Variants in CDKN2C observed in about 807,000 individuals in gnomAD.
CDKN2C encodes cyclin-dependent kinase 4 inhibitor C.
In CDKN2C, 5 loss-of-function variants were observed where a neutral mutation model predicts 11.0. The observed-to-expected ratio is 0.45, with a 90% CI of 0.24 to 0.95. The LOEUF (loss-of-function observed/expected upper bound fraction) is 0.95. Ranked by LOEUF, CDKN2C falls within the 40% of genes least tolerant of loss-of-function variation. CDKN2C has a pLI of 0.21. For synonymous variants in CDKN2C, 79 were observed against 88.3 expected, an observed-to-expected ratio of 0.89 and a Z score of 0.59; for missense variants, 161 against 211.9, an observed-to-expected ratio of 0.76 and a Z score of 1.49.
intron 1 of CDKN2C, 42 bp from the exon 2 acceptor site, chr1:50,973,851 A>G (rs1483958226): frequency 1.9e-6 from 3 of 1,606,186 alleles, no homozygotes; most frequent in East Asian, 2.2e-5. Flanking sequence ...TCTCTGTAGC[A>G]TATGCACTTG....
intron 1 of CDKN2C, among the ~76,000 whole-genome samples, chr1:50,972,804 T>C (rs1203704462): frequency 1.3e-5 from 2 of 152,168 alleles, no homozygotes; most frequent in East Asian, 3.8e-4. Flanking sequence ...ATTCTGACTT[T>C]TAAAATGTTG....
At chr1:50,968,793 G>A (rs912473979), upstream of CDKN2C, 2 of 152,204 alleles carry the variant, frequency 1.3e-5, no homozygotes, top group African/African-American at 2.4e-5. Context: ...AGCTGATGAG[G>A]TCGGAAAAAA....
At chr1:50,970,815 A>T (rs1192856328) in intron 1 of CDKN2C, among the ~76,000 whole-genome samples, 1 of 152,078 alleles carries the variant, frequency 6.6e-6, no homozygotes, top group Non-Finnish European at 1.5e-5. Flanking sequence ...TTTTGTTTTT[A>T]AAGACAGCTC....
upstream of CDKN2C, among the ~76,000 whole-genome samples, chr1:50,966,599 A>C (rs1314518452): frequency 6.6e-6 from 1 of 152,176 alleles, no homozygotes; most frequent in Non-Finnish European, 1.5e-5. Flanking sequence ...CTCAATAAAT[A>C]CTAGATTTTC....
At chr1:50,966,118 C>T (rs868181839), upstream of CDKN2C, among the ~76,000 whole-genome samples, 6 of 150,558 alleles carry the variant, frequency 4.0e-5, no homozygotes, top group Non-Finnish European at 7.4e-5. Context: ...ACTGCTGGGC[C>T]GCCACTGCCT....
chr1:50,965,970 TA>T (rs1411231626), upstream of CDKN2C, among the ~76,000 whole-genome samples: 2 of 152,064 alleles, frequency 1.3e-5, no homozygotes. Context: ...AAACTGTACC[TA>T]CTTGAGTCAA....
upstream of CDKN2C, chr1:50,970,069 G>T (rs1645371302): frequency 1.0e-5 from 5 of 485,104 alleles, no homozygotes; most frequent in South Asian, 4.3e-5. Flanking sequence ...AGGAATGTAT[G>T]TGTGTCTGTG....
chr1:50,962,455 C>T (rs1267289220), intron 1 of CDKN2C, among the ~76,000 whole-genome samples: 1 of 152,226 alleles, frequency 6.6e-6, no homozygotes, highest in African/African-American at 2.4e-5. Context: ...AATCATGAGG[C>T]AAAACACAGC....
upstream of CDKN2C, among the ~76,000 whole-genome samples, chr1:50,965,251 G>A (rs548840318): frequency 4.6e-5 from 7 of 152,070 alleles, no homozygotes; most frequent in South Asian, 1.5e-3. Context: ...TGTAATCCTA[G>A]CACTGTGGGA....
chr1:50,961,070 C>G (rs868349645), intron 1 of CDKN2C, among the ~76,000 whole-genome samples: 8 of 151,856 alleles, frequency 5.3e-5, no homozygotes, highest in Non-Finnish European at 8.8e-5. Context: ...GAGTCTCGCA[C>G]TGTGGCCCGG....
At chr1:50,966,251 C>A (rs997607198), upstream of CDKN2C, among the ~76,000 whole-genome samples, 6 of 152,024 alleles carry the variant, frequency 3.9e-5, no homozygotes, top group Admixed American at 3.3e-4. Flanking sequence ...CCATGTTGGC[C>A]AGGCTGGTCT....
chr1:50,974,388 C>A lies in CDKN2C; in HGVS notation c.*118C>A. On this transcript the variant is annotated 3_prime_UTR_variant, in exon 2 of 2. Coordinates refer to ENST00000371761, the MANE Select transcript of CDKN2C (RefSeq NM_078626.3). ...GTCATATGTTAAGCAGCTAAATTTT[C>A]TGAAACTGCATAAGTGAAAATCTTA... 1 of 1,025,128 alleles carries A rather than the reference C, an allele frequency of 9.8e-7. No individual in the cohort carries two copies. The highest frequency in any genetic ancestry group is 1.4e-6 in the Non-Finnish European group (1 of 739,406). 63.5% of individuals were successfully genotyped at this position (1,025,128 alleles called of 1,614,324 possible).
chr1:50,960,756 A>C (rs1339427729), exon 1 of CDKN2C: 1 of 152,266 alleles, frequency 6.6e-6, no homozygotes, highest in African/African-American at 2.4e-5. Context: ...ACACAGAAGT[A>C]ACCAGACTGC....
At position 50,974,083 on chromosome 1, in the gene CDKN2C, T is replaced by A; in HGVS notation, c.320T>A (p.Leu107Ter). 1 of 1,614,200 alleles carries A rather than the reference T, an allele frequency of 6.2e-7. No individual in the cohort carries two copies. The highest frequency in any genetic ancestry group is 8.5e-7 in the Non-Finnish European group (1 of 1,180,024). The change falls in exon 2 of 2, where the codon TTG becomes TAG. Residue 107 changes from leucine to a stop codon, truncating the protein, a stop_gained. Coordinates refer to ENST00000371761, the MANE Select transcript of CDKN2C (RefSeq NM_078626.3). LOFTEE classifies it high-confidence loss of function. Reference sequence around the variant, plus strand: ...GAGGATAATGAAGGGAACCTGCCCTTGCACTTGGCTGCCAAAGAAGGCCAC... The same window carrying A: ...GAGGATAATGAAGGGAACCTGCCCTAGCACTTGGCTGCCAAAGAAGGCCAC... ...NIEDNEGNLP[L>*]HLAAKEGHLR...
chr1:50,961,037 T>G (rs1439020053), intron 1 of CDKN2C, among the ~76,000 whole-genome samples: 1 of 151,820 alleles, frequency 6.6e-6, no homozygotes, highest in Non-Finnish European at 1.5e-5. Flanking sequence ...TTTATTTATT[T>G]ATTTATTTAT....
At chr1:50,973,640 T>C (rs778135762) in intron 1 of CDKN2C, among the ~76,000 whole-genome samples, 10 of 152,220 alleles carry the variant, frequency 6.6e-5, no homozygotes, top group Non-Finnish European at 1.3e-4. Flanking sequence ...TTCTATCTTA[T>C]TGATCAATTT....
rs1645394298 is a variant in CDKN2C at position 50,974,126 on chromosome 1, C to T, written c.363C>T (p.Phe121=). 1 of 1,614,036 alleles carries T rather than the reference C, an allele frequency of 6.2e-7. No homozygotes were observed. The highest frequency in any genetic ancestry group is 2.2e-5 in the East Asian group (1 of 44,898). Residue 121 remains phenylalanine (F), a synonymous_variant, in exon 2 of 2, where the codon TTC becomes TTT. Coordinates refer to ENST00000371761, the MANE Select transcript of CDKN2C (RefSeq NM_078626.3). ...AAGGCCACCTCCGGGTGGTGGAGTTCCTGGTGAAGCACACGGCCAGCAATG... is the reference window on the plus strand; with the variant it reads ...AAGGCCACCTCCGGGTGGTGGAGTTTCTGGTGAAGCACACGGCCAGCAATG... ...AKEGHLRVVE[F]LVKHTASNVG...
At chr1:50,965,546 CA>C (rs1645344014), upstream of CDKN2C, among the ~76,000 whole-genome samples, 1 of 151,586 alleles carries the variant, frequency 6.6e-6, no homozygotes, top group Admixed American at 6.6e-5. Context: ...CCCATCTCCA[CA>C]AAATTAGAAA....
chr1:50,964,949 G>A (rs1205024869), intron 1 of CDKN2C, among the ~76,000 whole-genome samples: 2 of 151,986 alleles, frequency 1.3e-5, no homozygotes, highest in African/African-American at 2.4e-5. Context: ...AGGTACTCGG[G>A]GGCTGAGGCA....
Sources: gnomAD v4.1 joint callset for allele counts (sites outside exome capture counted in the v4.1 genomes callset) on GRCh38, gnomAD v4.1.1 for gene constraint, MANE v1.5 for transcripts, NCBI Gene and HGNC (gene_info 2026-07-23, HGNC 2026-07-21) for gene names.